CREB5: variants seen among roughly 807,000 people sequenced by gnomAD.
CREB5 encodes cAMP responsive element binding protein 5, also known as cyclic AMP-responsive element-binding protein 5.
CREB5 carries 19 observed loss-of-function variants against 57.1 expected under a neutral mutation model. The observed-to-expected ratio is 0.33, with a 90% CI of 0.23 to 0.49. The LOEUF (loss-of-function observed/expected upper bound fraction) is 0.49, where lower values mean the gene tolerates loss of function less well. CREB5 is among the 20% of genes least tolerant of loss of function. The pLI is 0.99. For synonymous variants in CREB5, 238 were observed against 238.3 expected (o/e 1.00, Z 0.01); for missense variants, 579 against 671.6 (o/e 0.86, Z 1.52).
At chr7:28,666,570 G>A (rs770445015) in intron 5 of CREB5, among the ~76,000 whole-genome samples, 3 of 151,828 alleles carry the variant, frequency 2.0e-5, no homozygotes, top group Admixed American at 6.6e-5. Context: ...TAAAATAAAC[G>A]CCATGGACCA....
At chr7:28,306,755 G>A (rs1258102832) in intron 1 of CREB5, among the ~76,000 whole-genome samples, 1 of 151,962 alleles carries the variant, frequency 6.6e-6, no homozygotes. Context: ...TAGAGACGGG[G>A]TTTCACCGTG....
intron 1 of CREB5, among the ~76,000 whole-genome samples, chr7:28,325,498 C>A (rs2127985264): frequency 6.6e-6 from 1 of 152,302 alleles, no homozygotes; most frequent in Middle Eastern, 3.4e-3. Flanking sequence ...TTAAACCATT[C>A]CGAAGGCTTC....
At chr7:28,568,793 G>A (rs1438992074) in intron 4 of CREB5, among the ~76,000 whole-genome samples, 3 of 152,148 alleles carry the variant, frequency 2.0e-5, no homozygotes, top group Admixed American at 6.5e-5. Flanking sequence ...ACCTGGGAAA[G>A]GTGCAATGTG....
intron 1 of CREB5, among the ~76,000 whole-genome samples, chr7:28,309,121 C>T (rs1300850450): frequency 1.3e-5 from 2 of 152,166 alleles, no homozygotes; most frequent in African/African-American, 2.4e-5. Context: ...ACTGTAGCAT[C>T]GGCTCTCCTG....
chr7:28,302,482 G>C (rs930413814), intron 1 of CREB5, among the ~76,000 whole-genome samples: 1 of 152,176 alleles, frequency 6.6e-6, no homozygotes, highest in African/African-American at 2.4e-5. Flanking sequence ...TAAATTGCAG[G>C]ATTTTAATAT....
At chr7:28,383,946 G>T (rs535960128) in intron 1 of CREB5, among the ~76,000 whole-genome samples, 1 of 152,264 alleles carries the variant, frequency 6.6e-6, no homozygotes, top group South Asian at 2.1e-4. Flanking sequence ...TAATGAAGGG[G>T]TGAAATAACC....
At chr7:28,458,580 G>A (rs1433317696) in intron 1 of CREB5, among the ~76,000 whole-genome samples, 1 of 152,192 alleles carries the variant, frequency 6.6e-6, no homozygotes, top group South Asian at 2.1e-4. Flanking sequence ...TGTGTCAAGA[G>A]AGGGATCCCA....
intron 5 of CREB5, among the ~76,000 whole-genome samples, chr7:28,682,827 C>G (rs1800671344): frequency 6.6e-6 from 1 of 152,232 alleles, no homozygotes; most frequent in South Asian, 2.1e-4. Context: ...GCCCCTCCAT[C>G]CCTGCAATCC....
At chr7:28,581,914 G>A (rs1409495894) in intron 5 of CREB5, among the ~76,000 whole-genome samples, 1 of 152,194 alleles carries the variant, frequency 6.6e-6, no homozygotes, top group East Asian at 1.9e-4. Flanking sequence ...CCAGGGTGGG[G>A]TGAGAAAGAA....
intron 5 of CREB5, among the ~76,000 whole-genome samples, chr7:28,593,932 C>T (rs919614518): frequency 3.9e-5 from 6 of 152,200 alleles, no homozygotes; most frequent in Non-Finnish European, 5.9e-5. Context: ...GGAGGTTATC[C>T]CCAGCAGCAG....
chr7:28,575,597 C>G (rs992168412), intron 5 of CREB5, among the ~76,000 whole-genome samples: 1 of 152,238 alleles, frequency 6.6e-6, no homozygotes, highest in Non-Finnish European at 1.5e-5. Context: ...AGCGGGGCAG[C>G]AGGTCCCGGC....
At position 28,819,781 on chromosome 7, in the gene CREB5, T is replaced by C. The variant is rs1809656251; in HGVS notation, c.*502T>C. 1 of 152,594 alleles carries C rather than the reference T, an allele frequency of 6.6e-6. No homozygotes were observed. The highest frequency in any genetic ancestry group is 6.5e-5 in the Admixed American group (1 of 15,288). 9.5% of individuals were successfully genotyped at this position (152,594 alleles called of 1,614,324 possible). A position where few individuals can be genotyped will look rare whatever the true frequency, so the allele number is the denominator to read the frequency against. The stretch of plus-strand genomic sequence containing the variant: ...CACACAGCCTTTCCCATACCTTTTT[T>C]TTTCTTACTATAAAATATTATAAGA... On this transcript the variant is annotated 3_prime_UTR_variant, in exon 11 of 11. Coordinates refer to ENST00000357727, the MANE Select transcript of CREB5 (RefSeq NM_182898.4).
chr7:28,802,583 G>C (rs1216539340), intron 7 of CREB5, among the ~76,000 whole-genome samples: 2 of 152,214 alleles, frequency 1.3e-5, no homozygotes, highest in Admixed American at 1.3e-4. Flanking sequence ...AAGGCAATGG[G>C]AGCTTGCCAA....
At chr7:28,738,529 G>T (rs1300431941) in intron 7 of CREB5, among the ~76,000 whole-genome samples, 1 of 152,190 alleles carries the variant, frequency 6.6e-6, no homozygotes, top group Non-Finnish European at 1.5e-5. Context: ...CCAGTATGGG[G>T]TATGTGAGAA....
chr7:28,632,138 C>T (rs1307910786), intron 5 of CREB5, among the ~76,000 whole-genome samples: 1 of 152,172 alleles, frequency 6.6e-6, no homozygotes, highest in Non-Finnish European at 1.5e-5. Context: ...CATTCCAACC[C>T]AGTGAAGTTT....
At chr7:28,554,887 A>G (rs953022241) in intron 4 of CREB5, among the ~76,000 whole-genome samples, 1 of 152,252 alleles carries the variant, frequency 6.6e-6, no homozygotes, top group African/African-American at 2.4e-5. Context: ...GAGCTTGAAT[A>G]CAAGGAGAAT....
chr7:28,638,448 G>A (rs1798516239), intron 5 of CREB5, among the ~76,000 whole-genome samples: 1 of 151,662 alleles, frequency 6.6e-6, no homozygotes, highest in Admixed American at 6.6e-5. Flanking sequence ...CCGGACTCAA[G>A]CAATTCTCCC....
At chr7:28,411,386 T>G (rs1209350650), upstream of CREB5, among the ~76,000 whole-genome samples, 1 of 152,134 alleles carries the variant, frequency 6.6e-6, no homozygotes, top group Non-Finnish European at 1.5e-5. Context: ...ATACAATAAA[T>G]TGCTGCGTGC....
intron 1 of CREB5, among the ~76,000 whole-genome samples, chr7:28,330,753 G>C (rs1287204364): frequency 1.3e-5 from 2 of 152,148 alleles, no homozygotes; most frequent in African/African-American, 4.8e-5. Context: ...GTGATGGTTA[G>C]GGTGTAGGTA....
Sources: allele counts gnomAD v4.1 joint callset (sites outside exome capture counted in the v4.1 genomes callset), GRCh38; gene constraint gnomAD v4.1.1; transcripts MANE v1.5; gene names NCBI Gene and HGNC (gene_info 2026-07-23, HGNC 2026-07-21).